SARDH: variants seen among roughly 807,000 people sequenced by gnomAD.
SARDH encodes sarcosine dehydrogenase, mitochondrial.
In SARDH, 95 loss-of-function variants were observed where a neutral mutation model predicts 109.1. The observed-to-expected ratio is 0.87, with a 90% CI of 0.74 to 1.03. The LOEUF (loss-of-function observed/expected upper bound fraction) is 1.03, where lower values mean the gene tolerates loss of function less well. Among genes scored for constraint, SARDH ranks in the 50% least tolerant of loss-of-function variants. The pLI, the probability that SARDH is intolerant of heterozygous loss-of-function variation, is 0.00. For synonymous variants in SARDH, 572 were observed against 534.8 expected (o/e 1.07, Z -0.96); for missense variants, 1,267 against 1,287.8 (o/e 0.98, Z 0.25).
rs1254914609 is a variant in SARDH, at chr9:133,728,761, G to A, written c.915+1004C>T. 6.6e-6 allele frequency among the ~76,000 whole-genome samples: 1 copy of A among 152,144 alleles called. No homozygotes were observed. The highest frequency in any genetic ancestry group is 1.5e-5 in the Non-Finnish European group (1 of 68,030). ...CCAAGCTCACCCATCAATGTCTGAT[G>A]CAGAGAGGGTTCAATGGAATGTGAA... On this transcript the variant is annotated intron_variant, in intron 6 of 20. Coordinates refer to ENST00000439388, the MANE Select transcript of SARDH (RefSeq NM_001134707.2). The surrounding 1 kb of genome is among the most constrained non-coding windows in gnomAD (Gnocchi z 5.0).
rs1224604559 is a variant in SARDH, at chr9:133,692,576, T to C, written c.1921+1682A>G. 1.3e-5 allele frequency among the ~76,000 whole-genome samples: 2 copies of C among 152,242 alleles called. No homozygotes were observed. The highest frequency in any genetic ancestry group is 2.1e-4 in the South Asian group (1 of 4,822). On this transcript the variant is annotated intron_variant, in intron 15 of 20. Transcript: ENST00000439388. This position sits in a 1 kb window ranked among gnomAD's most constrained non-coding sequence, Gnocchi z 5.0. ...CTCATCCCGGCTCGGCGGCTTCACATGGCCTTCCCTAACACCTCGCTCTTT... is the reference window on the plus strand; with the variant it reads ...CTCATCCCGGCTCGGCGGCTTCACACGGCCTTCCCTAACACCTCGCTCTTT...
chr9:133,682,040 A>G (rs1372828472), intron 17 of SARDH, among the ~76,000 whole-genome samples: 1 of 152,168 alleles, frequency 6.6e-6, no homozygotes, highest in Non-Finnish European at 1.5e-5. Context: ...AGAAGAACAC[A>G]CCACAGAGTG....
intron 19 of SARDH, among the ~76,000 whole-genome samples, chr9:133,668,007 G>C (rs1049799161): frequency 6.6e-6 from 1 of 152,058 alleles, no homozygotes; most frequent in Non-Finnish European, 1.5e-5. Context: ...AGCCTGACAG[G>C]AAACCCCTGA....
intron 10 of SARDH, among the ~76,000 whole-genome samples, 174 bp from the exon 11 acceptor site, chr9:133,708,602 T>C (rs1016759533): frequency 2.0e-5 from 3 of 152,032 alleles, no homozygotes; most frequent in African/African-American, 7.2e-5. Flanking sequence ...TGAACTCAGC[T>C]TTCTCCCCCA....
Position 133,674,270 on chromosome 9 carries a change from C to T in SARDH, c.2164-2573G>A, listed in dbSNP as rs141939767. Among the ~76,000 whole-genome samples the T allele has an allele frequency of 3.5e-3, 531 of 152,348 alleles. 2 individuals carry two copies. The highest frequency in any genetic ancestry group is 0.012 in the African/African-American group (501 of 41,576). On this transcript the variant is annotated intron_variant, in intron 17 of 20. Coordinates refer to ENST00000439388, the MANE Select transcript of SARDH (RefSeq NM_001134707.2). ...CTTGGGTGGGAACAGCGTCTCCCAG[C>T]GCCCATGGGGGTCGGCCCACTTGGC...
At chr9:133,708,513 C>G (rs1349427743) in intron 10 of SARDH, 85 bp from the exon 11 acceptor site, 1 of 1,482,908 alleles carries the variant, frequency 6.7e-7, no homozygotes, top group African/African-American at 1.4e-5. Flanking sequence ...AAGCCTGGAC[C>G]CCGGTCCCCT....
At chr9:133,672,628 G>A (rs892039185) in intron 17 of SARDH, among the ~76,000 whole-genome samples, 12 of 152,372 alleles carry the variant, frequency 7.9e-5, no homozygotes, top group African/African-American at 2.2e-4. Context: ...CGAGGAGCCC[G>A]TCACCCACCA....
At chr9:133,672,571 G>A (rs921648163) in intron 17 of SARDH, among the ~76,000 whole-genome samples, 1 of 152,196 alleles carries the variant, frequency 6.6e-6, no homozygotes, top group East Asian at 1.9e-4. Flanking sequence ...ACCAGGTGGG[G>A]ATAGAGGCAT....
chr9:133,707,182 T>C (rs1831724107), intron 11 of SARDH, among the ~76,000 whole-genome samples: 1 of 152,162 alleles, frequency 6.6e-6, no homozygotes, highest in Admixed American at 6.5e-5. Context: ...TGAACCAAGA[T>C]TTCCCTGGGG....
chr9:133,673,298 G>A (rs1222728847), intron 17 of SARDH, among the ~76,000 whole-genome samples: 1 of 152,250 alleles, frequency 6.6e-6, no homozygotes. Flanking sequence ...CAGGCAAACC[G>A]TTGAACCCAC....
chr9:133,704,853 G>T lies in SARDH; in HGVS notation c.1554+95C>A. The T allele has an allele frequency of 9.4e-7, 1 of 1,065,062 alleles. No homozygotes were observed. The highest frequency in any genetic ancestry group is 1.4e-6 in the Non-Finnish European group (1 of 715,194). The allele number at this position is 1,065,062 out of a possible 1,614,324, so 66.0% of individuals were successfully genotyped here. On this transcript the variant is annotated intron_variant, in intron 12 of 20. Coordinates refer to ENST00000439388, the MANE Select transcript of SARDH (RefSeq NM_001134707.2). The surrounding 1 kb of genome is among the most constrained non-coding windows in gnomAD (Gnocchi z 4.5). ...GACAGTGGAACCACCTGGGGAGGCG[G>T]GGCACACGGAGGGGCAAGGACGGGG...
chr9:133,683,248 T>TC (rs1830761986), intron 17 of SARDH, among the ~76,000 whole-genome samples: 1 of 152,108 alleles, frequency 6.6e-6, no homozygotes, highest in African/African-American at 2.4e-5. Context: ...GCCGCCTGTC[T>TC]GAGAACAAGT....
rs778375289 is a variant in SARDH at position 133,734,005 on chromosome 9, G to A, written c.169C>T (p.Gln57Ter). The change falls in exon 2 of 21, where the codon CAA becomes TAA. Residue 57 changes from glutamine to a stop codon, truncating the protein, a stop_gained. Transcript: ENST00000439388. LOFTEE classifies it high-confidence loss of function. ...CTGGGCAGGGGCCGGCTTGGGCCTTGGGCCACCACCGAGGTGCCCTGTCCC... is the reference window on the plus strand; with the variant it reads ...CTGGGCAGGGGCCGGCTTGGGCCTTAGGCCACCACCGAGGTGCCCTGTCCC... Reference protein sequence around the residue: ...KEGQGTSVVAQGPSRPLPSTA... With the variant: ...KEGQGTSVVA The A allele has an allele frequency of 2.5e-6, 4 of 1,612,826 alleles. No individual in the cohort carries two copies. Among genetic ancestry groups the A allele is most frequent in the African/African-American group, 1.3e-5 (1 of 74,936 alleles).
chr9:133,712,701 G>A lies in SARDH; in HGVS notation c.1246C>T (p.Leu416=). The change falls in exon 10 of 21, where the codon CTG becomes TTG. Residue 416 remains leucine (L), a synonymous_variant. Transcript: ENST00000439388. This position sits in a 1 kb window ranked among gnomAD's most constrained non-coding sequence, Gnocchi z 4.1. ...AGCTCCTGCCCACAGCCACCACCCA[G>A]CATCATTCCTGGCAGGAAGAGAAGC... The part of the protein sequence containing the change: ...GCGFNSAGMM[L]GGGCGQELAH... The A allele has an allele frequency of 6.2e-7, 1 of 1,608,750 alleles. No individual in the cohort carries two copies.
chr9:133,673,573 A>C (rs1207491233), intron 17 of SARDH, among the ~76,000 whole-genome samples: 4 of 152,248 alleles, frequency 2.6e-5, no homozygotes, highest in Non-Finnish European at 5.9e-5. Flanking sequence ...GGATTCTAAA[A>C]GCTTTGGAAA....
chr9:133,680,482 T>C (rs1284737223), intron 17 of SARDH, among the ~76,000 whole-genome samples: 1 of 152,162 alleles, frequency 6.6e-6, no homozygotes, highest in East Asian at 1.9e-4. Context: ...TGGGAGCGCG[T>C]GGCCCTGGCC....
chr9:133,712,938 C>T lies in SARDH; in HGVS notation c.1237+100G>A, dbSNP rs1337464356. ...TCCCCAGCCTCTCCTGTCCCCACCA[C>T]TGTCGGGGGCCACGGTGCTCCTGCG... On this transcript the variant is annotated intron_variant, in intron 9 of 20. Coordinates refer to ENST00000439388, the MANE Select transcript of SARDH (RefSeq NM_001134707.2). The surrounding 1 kb of genome is among the most constrained non-coding windows in gnomAD (Gnocchi z 4.1). 3.2e-6 allele frequency: 4 copies of T among 1,234,504 alleles called. No homozygotes were observed. The highest frequency in any genetic ancestry group is 4.6e-6 in the Non-Finnish European group (4 of 869,798). The allele number at this position is 1,234,504 out of a possible 1,614,324, so 76.5% of individuals were successfully genotyped here.
chr9:133,692,736 T>C lies in SARDH; in HGVS notation c.1921+1522A>G, dbSNP rs1008414831. ...CTCCCGACCCTGGCTACCTGGTGCT[T>C]CCACACAGTGCAGGCTCACGTGATG... On this transcript the variant is annotated intron_variant, in intron 15 of 20. Coordinates refer to ENST00000439388, the MANE Select transcript of SARDH (RefSeq NM_001134707.2). This position sits in a 1 kb window ranked among gnomAD's most constrained non-coding sequence, Gnocchi z 5.0. Among the ~76,000 whole-genome samples the C allele has an allele frequency of 2.0e-5, 3 of 152,200 alleles. No homozygotes were observed. The South Asian group carries it at 6.2e-4, about 32-fold the overall frequency.
At position 133,712,937 on chromosome 9, in the gene SARDH, A is replaced by T; in HGVS notation, c.1237+101T>A. 1 of 1,220,610 alleles carries T rather than the reference A, an allele frequency of 8.2e-7. No homozygotes were observed. Among genetic ancestry groups the T allele is most frequent in the Non-Finnish European group, 1.2e-6 (1 of 857,298 alleles). The allele number at this position is 1,220,610 out of a possible 1,614,324, so 75.6% of individuals were successfully genotyped here. A position where few individuals can be genotyped will look rare whatever the true frequency, so the allele number is the denominator to read the frequency against. ...CTCCCCAGCCTCTCCTGTCCCCACC[A>T]CTGTCGGGGGCCACGGTGCTCCTGC... On this transcript the variant is annotated intron_variant, in intron 9 of 20. Transcript: ENST00000439388. This position sits in a 1 kb window ranked among gnomAD's most constrained non-coding sequence, Gnocchi z 4.1.
Sources: allele counts gnomAD v4.1 joint callset (sites outside exome capture counted in the v4.1 genomes callset), GRCh38; gene constraint gnomAD v4.1.1; non-coding constraint Gnocchi (gnomAD v3.1); transcripts MANE v1.5; gene names NCBI Gene and HGNC (gene_info 2026-07-23, HGNC 2026-07-21).